The following RCOR3 variants were observed in gnomAD, a reference collection of about 807,000 sequenced individuals.
RCOR3 encodes the protein REST corepressor 3.
Under a neutral mutation model 64.1 loss-of-function variants are expected in RCOR3, and 13 were observed. The observed-to-expected ratio is 0.20, with a 90% CI of 0.13 to 0.32. The LOEUF (loss-of-function observed/expected upper bound fraction) is 0.32, where lower values mean the gene tolerates loss of function less well. Among genes scored for constraint, RCOR3 ranks in the 10% least tolerant of loss-of-function variants. RCOR3 has a pLI of 1.00. For synonymous variants in RCOR3, 215 were observed against 239.0 expected (o/e 0.90, Z 0.93); for missense variants, 489 against 701.2 (o/e 0.70, Z 3.42).
In RCOR3 at chr1:211,314,992, C is replaced by T. The variant is rs1242248308; in HGVS notation, c.*1224C>T. The T allele has an allele frequency of 6.6e-6, 1 of 152,070 alleles. No homozygotes were observed. Among genetic ancestry groups the T allele is most frequent in the African/African-American group, 2.4e-5 (1 of 41,406 alleles). The allele number at this position is 152,070 out of a possible 1,614,324, so 9.4% of individuals were successfully genotyped here. The stretch of plus-strand genomic sequence containing the variant: ...CTGTTAACTAAAAATGCTGAGACCC[C>T]TTTTTATAGAAAAACAAAAAGACAT... On this transcript the variant is annotated 3_prime_UTR_variant, in exon 12 of 12. Coordinates refer to ENST00000419091, the MANE Select transcript of RCOR3 (RefSeq NM_001136223.3).
chr1:211,289,537 T>C, intron 8 of RCOR3, 141 bp downstream of exon 8: 1 of 660,542 alleles, frequency 1.5e-6, no homozygotes, highest in Admixed American at 2.9e-5. Flanking sequence ...AAGTTTATCT[T>C]AAGTCCAACT....
intron 10 of RCOR3, among the ~76,000 whole-genome samples, chr1:211,309,844 C>T (rs745511375): frequency 3.3e-5 from 5 of 152,140 alleles, no homozygotes; most frequent in African/African-American, 7.2e-5. Flanking sequence ...TTGTTTCAGA[C>T]GCCTCACTGG....
intron 8 of RCOR3, among the ~76,000 whole-genome samples, chr1:211,290,005 T>C (rs1485846504): frequency 6.6e-6 from 1 of 152,194 alleles, no homozygotes; most frequent in South Asian, 2.1e-4. Flanking sequence ...TTGAGAGGAA[T>C]TAAACAAGAT....
chr1:211,290,801 C>G (rs1163946112), intron 8 of RCOR3, among the ~76,000 whole-genome samples: 1 of 152,090 alleles, frequency 6.6e-6, no homozygotes, highest in Non-Finnish European at 1.5e-5. Context: ...TTTCTACTTG[C>G]CTTTAGCAGG....
rs1004259088 is a variant in RCOR3 at position 211,312,067 on chromosome 1, A to G, written c.1076-653A>G. Among the ~76,000 whole-genome samples the G allele has an allele frequency of 6.6e-6, 1 of 152,108 alleles. No homozygotes were observed. Among genetic ancestry groups the G allele is most frequent in the African/African-American group, 2.4e-5 (1 of 41,422 alleles). ...TCCATTCAGTCTTTAAAACTACTAG[A>G]TGAGTTAAAATCCAACTGACTCTGA... On this transcript the variant is annotated intron_variant, in intron 10 of 11. Transcript: ENST00000419091. This position sits in a 1 kb window ranked among gnomAD's most constrained non-coding sequence, Gnocchi z 5.0.
At chr1:211,263,463 A>T (rs1390730143) in intron 2 of RCOR3, among the ~76,000 whole-genome samples, 1 of 152,174 alleles carries the variant, frequency 6.6e-6, no homozygotes, top group East Asian at 1.9e-4. Context: ...TTTTATTATT[A>T]GAATAAGGAT....
chr1:211,274,348 C>T (rs538856316), intron 4 of RCOR3, 86 bp downstream of exon 4: 122 of 926,978 alleles, frequency 1.3e-4, no homozygotes, highest in Non-Finnish European at 1.9e-4. Context: ...GTCCTAACAG[C>T]GTGCATAAGC....
chr1:211,262,033 C>CTTTTTTTTTTTTTTTTTTTTTT (rs1196587722), intron 2 of RCOR3, among the ~76,000 whole-genome samples: 1 of 65,512 alleles, frequency 1.5e-5, no homozygotes, highest in Non-Finnish European at 2.6e-5. Flanking sequence ...GCTATAAAAA[C>CTTTTTTTTTTTTTTTTTTTTTT]TTTTTTTTTT....
chr1:211,259,929 C>CA, intron 1 of RCOR3, 179 bp from the exon 2 acceptor site: 1 of 1,007,752 alleles, frequency 9.9e-7, no homozygotes, highest in Non-Finnish European at 1.4e-6. Flanking sequence ...CCTTTGCCCC[C>CA]CCCCGCTCCC....
At chr1:211,310,758 A>T (rs7514863) in intron 10 of RCOR3, among the ~76,000 whole-genome samples, 27,864 of 152,114 alleles carry the variant, frequency 0.18, 2,866 homozygotes, top group African/African-American at 0.28. Flanking sequence ...TATATTTTGC[A>T]AAATAAGTGT....
chr1:211,313,748 T>A lies in RCOR3; in HGVS notation c.1642T>A (p.Ser548Thr). 3.7e-6 allele frequency: 6 copies of A among 1,614,112 alleles called. No individual in the cohort carries two copies. The highest frequency in any genetic ancestry group is 5.1e-6 in the Non-Finnish European group (6 of 1,179,954). ...ATCACTTATTGGAATTCAGACAGAT[T>A]CACAGTCCTCACTGCACTAAAAATT... ...PPSLIGIQTDSQSSLH is the reference protein window; with the variant it reads ...PPSLIGIQTDTQSSLH Residue 548 changes from serine to threonine, a missense_variant, in exon 12 of 12, where the codon TCA (serine) becomes ACA (threonine). This residue lies in a region of RCOR3 where 402 missense variants were observed against 617.0 expected (regional missense o/e 0.65). Coordinates refer to ENST00000419091, the MANE Select transcript of RCOR3 (RefSeq NM_001136223.3). The surrounding 1 kb of genome is among the most constrained non-coding windows in gnomAD (Gnocchi z 4.7).
Position 211,313,642 on chromosome 1 carries a change from T to C in RCOR3, c.1536T>C (p.Pro512=). The C allele has an allele frequency of 2.5e-6, 4 of 1,614,116 alleles. No homozygotes were observed. The highest frequency in any genetic ancestry group is 3.4e-6 in the Non-Finnish European group (4 of 1,180,018). The change falls in exon 12 of 12, where the codon CCT becomes CCC. Residue 512 remains proline (P), a synonymous_variant. Coordinates refer to ENST00000419091, the MANE Select transcript of RCOR3 (RefSeq NM_001136223.3). The surrounding 1 kb of genome is among the most constrained non-coding windows in gnomAD (Gnocchi z 4.7). Reference sequence around the variant, plus strand: ...CAACTTTAAATCAGCCTCCACCACCTCTTATTCGCCCTGCTAATTCCATGC... The same window carrying C: ...CAACTTTAAATCAGCCTCCACCACCCCTTATTCGCCCTGCTAATTCCATGC... ...PRPTLNQPPP[P]LIRPANSMPP... is the part of the protein sequence containing the mutation.
intron 7 of RCOR3, among the ~76,000 whole-genome samples, chr1:211,282,339 C>A (rs1192954811): frequency 6.6e-6 from 1 of 152,236 alleles, no homozygotes; most frequent in South Asian, 2.1e-4. Context: ...TAATATAGAT[C>A]TTTGTAGCTG....
In RCOR3 at chr1:211,295,661, G is replaced by T. The variant is rs1243623339; in HGVS notation, c.940-15G>T. On this transcript the variant is annotated splice_polypyrimidine_tract_variant and intron_variant, in intron 8 of 11. Coordinates refer to ENST00000419091, the MANE Select transcript of RCOR3 (RefSeq NM_001136223.3). ...GTACGCGATCTGATTCACATTTGGG[G>T]TTATTTTGTTGAAGGTTCAGAATGC... is the stretch of plus-strand genomic sequence containing the variant. 2 of 1,611,308 alleles carry T rather than the reference G, an allele frequency of 1.2e-6. No individual in the cohort carries two copies. Among genetic ancestry groups the T allele is most frequent in the East Asian group, 2.2e-5 (1 of 44,752 alleles).
intron 2 of RCOR3, among the ~76,000 whole-genome samples, chr1:211,265,469 G>A (rs758372456): frequency 8.5e-5 from 13 of 152,152 alleles, no homozygotes; most frequent in Non-Finnish European, 1.6e-4. Flanking sequence ...TGTAATCCTG[G>A]CACTTTGGGA....
At chr1:211,270,129 CTCG>C (rs1349894315) in intron 2 of RCOR3, among the ~76,000 whole-genome samples, 4 of 151,158 alleles carry the variant, frequency 2.6e-5, no homozygotes, top group Non-Finnish European at 5.9e-5. Flanking sequence ...GCTGTGTGAC[CTCG>C]GCTCACTGGC....
At chr1:211,310,784 A>G (rs949206779) in intron 10 of RCOR3, among the ~76,000 whole-genome samples, 4 of 152,168 alleles carry the variant, frequency 2.6e-5, no homozygotes, top group Non-Finnish European at 5.9e-5. Context: ...GGTTTATAAT[A>G]TCTTTAGACT....
intron 8 of RCOR3, among the ~76,000 whole-genome samples, chr1:211,293,838 G>A (rs1211901370): frequency 2.0e-5 from 3 of 151,996 alleles, no homozygotes; most frequent in East Asian, 1.9e-4. Flanking sequence ...TAAGTATTTC[G>A]TTGTCCACAC....
At chr1:211,288,099 A>G (rs1052733530) in intron 7 of RCOR3, among the ~76,000 whole-genome samples, 1 of 151,862 alleles carries the variant, frequency 6.6e-6, no homozygotes, top group African/African-American at 2.4e-5. Context: ...AGTCCTGGCT[A>G]CTCAGGAGGC....
Sources: gnomAD v4.1 joint callset for allele counts (sites outside exome capture counted in the v4.1 genomes callset) on GRCh38, gnomAD v4.1.1 for gene constraint, gnomAD v4.1.1 regional missense constraint, Gnocchi (gnomAD v3.1) non-coding constraint, MANE v1.5 for transcripts, NCBI Gene and HGNC (gene_info 2026-07-23, HGNC 2026-07-21) for gene names.